The following DPF3 variants were observed in gnomAD, a reference collection of about 807,000 sequenced individuals.
The protein encoded by DPF3 is zinc finger protein DPF3.
Under a neutral mutation model 56.8 loss-of-function variants are expected in DPF3, and 18 were observed. That is an observed-to-expected ratio of 0.32 (90% CI 0.22 to 0.47). The LOEUF (loss-of-function observed/expected upper bound fraction) is 0.47, where lower values mean the gene tolerates loss of function less well. Ranked by LOEUF, DPF3 falls within the 20% of genes least tolerant of loss-of-function variation. The pLI, the probability that DPF3 is intolerant of heterozygous loss-of-function variation, is 1.00. For synonymous variants in DPF3, 188 were observed against 180.2 expected (o/e 1.04, Z -0.35); for missense variants, 403 against 488.8 (o/e 0.82, Z 1.65).
chr14:72,861,591 GAAAAC>G (rs1206592229), intron 1 of DPF3, among the ~76,000 whole-genome samples: 2 of 151,990 alleles, frequency 1.3e-5, no homozygotes, highest in African/African-American at 4.8e-5. Context: ...CTTGATCATG[GAAAAC>G]ATTTAGCCAT....
At chr14:72,819,340 CTAAG>C (rs1329858378) in intron 1 of DPF3, among the ~76,000 whole-genome samples, 1 of 152,092 alleles carries the variant, frequency 6.6e-6, no homozygotes, top group African/African-American at 2.4e-5. Context: ...AGTTTCACTA[CTAAG>C]TATTTATCCA....
chr14:72,821,881 A>T (rs902038751), intron 1 of DPF3, among the ~76,000 whole-genome samples: 1 of 151,888 alleles, frequency 6.6e-6, no homozygotes. Context: ...TGTCGTGTGT[A>T]CCTGTAGTCC....
At chr14:72,747,366 C>T (rs567675597) in intron 3 of DPF3, among the ~76,000 whole-genome samples, 10 of 152,234 alleles carry the variant, frequency 6.6e-5, no homozygotes, top group African/African-American at 2.2e-4. Flanking sequence ...GCTAATCTGT[C>T]CTTCCTAGGT....
intron 8 of DPF3, among the ~76,000 whole-genome samples, chr14:72,667,185 C>A (rs1318913659): frequency 6.6e-6 from 1 of 152,066 alleles, no homozygotes; most frequent in Non-Finnish European, 1.5e-5. Context: ...GGATTACTGT[C>A]TTTATAGTAC....
chr14:72,732,583 G>A (rs150066056), intron 3 of DPF3, among the ~76,000 whole-genome samples: 11 of 152,334 alleles, frequency 7.2e-5, no homozygotes, highest in African/African-American at 1.2e-4. Flanking sequence ...CACAAGCCCC[G>A]GATGAGCAGA....
chr14:72,808,105 A>G (rs1882869949), intron 1 of DPF3, among the ~76,000 whole-genome samples: 1 of 152,134 alleles, frequency 6.6e-6, no homozygotes, highest in East Asian at 1.9e-4. Context: ...GGAGTTAGGA[A>G]TGGGGTAGAG....
At chr14:72,749,367 C>T (rs1401140536) in intron 3 of DPF3, among the ~76,000 whole-genome samples, 1 of 152,212 alleles carries the variant, frequency 6.6e-6, no homozygotes, top group Non-Finnish European at 1.5e-5. Context: ...GCCTGTACCC[C>T]CATTGTATCT....
At chr14:72,655,759 A>C (rs1415457937) in intron 8 of DPF3, among the ~76,000 whole-genome samples, 2 of 152,228 alleles carry the variant, frequency 1.3e-5, no homozygotes, top group African/African-American at 2.4e-5. Context: ...TAGTGATCAG[A>C]ATACATATCC....
intron 6 of DPF3, among the ~76,000 whole-genome samples, chr14:72,706,922 C>T (rs1321288460): frequency 1.3e-5 from 2 of 151,852 alleles, no homozygotes; most frequent in Non-Finnish European, 2.9e-5. Context: ...GTGTGCTGCA[C>T]CCATTAACTC....
At chr14:72,752,280 G>A (rs76575096) in intron 3 of DPF3, among the ~76,000 whole-genome samples, 5,201 of 152,230 alleles carry the variant, frequency 0.034, 178 homozygotes, top group Admixed American at 0.09. Flanking sequence ...ACAAAGATGC[G>A]TTTAAAGCTA....
rs918117774 is a variant in DPF3 at position 72,646,988 on chromosome 14, A to T, written c.872-17252T>A. 4.6e-5 allele frequency among the ~76,000 whole-genome samples: 7 copies of T among 152,328 alleles called. No individual in the cohort carries two copies. The South Asian group carries it at 6.2e-4, about 14-fold the overall frequency. On this transcript the variant is annotated intron_variant, in intron 8 of 10. Transcript: ENST00000556509. Reference sequence around the variant, plus strand: ...ACACACTTGGAGACCCTCTGCTGCCAGCGTCTCCTGGGGACTCTTGCACAT... The same window carrying T: ...ACACACTTGGAGACCCTCTGCTGCCTGCGTCTCCTGGGGACTCTTGCACAT...
intron 1 of DPF3, among the ~76,000 whole-genome samples, chr14:72,885,112 C>G (rs1886489995): frequency 7.0e-6 from 1 of 142,628 alleles, no homozygotes. Context: ...GGCGACAGAG[C>G]GAGACTCCGT....
chr14:72,825,470 A>G (rs4903068), intron 1 of DPF3, among the ~76,000 whole-genome samples: 86,708 of 152,124 alleles, frequency 0.57, 25,254 homozygotes, highest in East Asian at 0.89. Context: ...GAGCACACTC[A>G]AATTGTTTCA....
At chr14:72,768,045 C>A (rs1166674498) in intron 2 of DPF3, among the ~76,000 whole-genome samples, 1 of 152,122 alleles carries the variant, frequency 6.6e-6, no homozygotes, top group Non-Finnish European at 1.5e-5. Context: ...AATTTTATAT[C>A]CAGCAAAAAT....
intron 7 of DPF3, among the ~76,000 whole-genome samples, chr14:72,677,591 C>T (rs1423148124): frequency 1.3e-5 from 2 of 150,372 alleles, no homozygotes; most frequent in Admixed American, 1.3e-4. Flanking sequence ...CAGGTCTAAC[C>T]CGTTGTTGGA....
At chr14:72,661,637 A>G in intron 8 of DPF3, 11 of 985,430 alleles carry the variant, frequency 1.1e-5, no homozygotes, top group Non-Finnish European at 1.1e-5. Context: ...GCTCAGCCAG[A>G]AAGGGCCATG....
At chr14:72,658,216 T>C (rs770220123) in intron 8 of DPF3, among the ~76,000 whole-genome samples, 3 of 152,198 alleles carry the variant, frequency 2.0e-5, no homozygotes, top group Non-Finnish European at 4.4e-5. Context: ...TCTTTATGAG[T>C]GCTTATGTTC....
At chr14:72,817,085 A>G (rs1156693580) in intron 1 of DPF3, among the ~76,000 whole-genome samples, 1 of 152,028 alleles carries the variant, frequency 6.6e-6, no homozygotes, top group Non-Finnish European at 1.5e-5. Flanking sequence ...CACCACTCCA[A>G]TCACCTCTCT....
chr14:72,729,156 G>A (rs1041305662), intron 4 of DPF3, among the ~76,000 whole-genome samples: 1 of 152,136 alleles, frequency 6.6e-6, no homozygotes, highest in African/African-American at 2.4e-5. Flanking sequence ...GCTGAGACAG[G>A]AGAATCACTT....
Sources: allele counts gnomAD v4.1 joint callset (sites outside exome capture counted in the v4.1 genomes callset), GRCh38; gene constraint gnomAD v4.1.1; transcripts MANE v1.5; gene names NCBI Gene and HGNC (gene_info 2026-07-23, HGNC 2026-07-21).